PPFIA2: variants seen among roughly 807,000 people sequenced by gnomAD.
PPFIA2 encodes the protein liprin-alpha-2.
A neutral mutation model predicts 175.5 loss-of-function variants in PPFIA2; 46 were observed. That is an observed-to-expected ratio of 0.26 (90% confidence interval 0.21 to 0.34). The LOEUF is 0.34. Among genes scored for constraint, PPFIA2 ranks in the 10% least tolerant of loss-of-function variants. The pLI is 1.00. For synonymous variants in PPFIA2, 568 were observed against 511.4 expected (o/e 1.11, Z -1.49); for missense variants, 1,179 against 1,506.1 (o/e 0.78, Z 3.60).
At chr12:81,493,820 T>G (rs888342838) in intron 4 of PPFIA2, among the ~76,000 whole-genome samples, 1 of 145,224 alleles carries the variant, frequency 6.9e-6, no homozygotes, top group East Asian at 2.0e-4. Flanking sequence ...ATTTTGAACA[T>G]AGAAACATAG....
chr12:81,360,453 TG>T (rs2061437172), intron 15 of PPFIA2, among the ~76,000 whole-genome samples: 1 of 151,828 alleles, frequency 6.6e-6, no homozygotes, highest in African/African-American at 2.4e-5. Flanking sequence ...CTCTGCTTCC[TG>T]GAGTGTTCTC....
At chr12:81,340,660 C>T (rs1310644855) in intron 20 of PPFIA2, among the ~76,000 whole-genome samples, 1 of 152,072 alleles carries the variant, frequency 6.6e-6, no homozygotes, top group Non-Finnish European at 1.5e-5. Context: ...ACAGGATGCA[C>T]ATACCTGTCT....
chr12:81,333,960 A>G (rs115821697), intron 21 of PPFIA2, among the ~76,000 whole-genome samples: 83 of 152,294 alleles, frequency 5.4e-4, no homozygotes, highest in African/African-American at 1.9e-3. Flanking sequence ...TAACTGTTCC[A>G]GCACTCAGGC....
chr12:81,602,302 A>G (rs1403282956), intron 4 of PPFIA2, among the ~76,000 whole-genome samples: 1 of 151,876 alleles, frequency 6.6e-6, no homozygotes, highest in South Asian at 2.1e-4. Context: ...GTATAATACA[A>G]CTGCAGTTTT....
At chr12:81,600,715 T>A (rs1040463977) in intron 4 of PPFIA2, among the ~76,000 whole-genome samples, 2 of 152,014 alleles carry the variant, frequency 1.3e-5, no homozygotes, top group Non-Finnish European at 2.9e-5. Context: ...TGTTAGGATC[T>A]TACTTCCTCT....
At chr12:81,459,041 T>C (rs998479560) in intron 4 of PPFIA2, among the ~76,000 whole-genome samples, 5 of 152,158 alleles carry the variant, frequency 3.3e-5, no homozygotes, top group African/African-American at 7.2e-5. Context: ...GTTTATATTT[T>C]TGTTTGCTTC....
chr12:81,648,516 T>G (rs891435042), intron 4 of PPFIA2, among the ~76,000 whole-genome samples: 1 of 151,906 alleles, frequency 6.6e-6, no homozygotes, highest in African/African-American at 2.4e-5. Flanking sequence ...TGAGAGGATA[T>G]TCCATATTCA....
chr12:81,601,128 T>C (rs1310844645), intron 4 of PPFIA2, among the ~76,000 whole-genome samples: 1 of 151,824 alleles, frequency 6.6e-6, no homozygotes, highest in Non-Finnish European at 1.5e-5. Flanking sequence ...GGGGAGGAGA[T>C]GAAAATAGTA....
At chr12:81,506,150 T>C (rs1214744756) in intron 4 of PPFIA2, 2 of 152,242 alleles carry the variant, frequency 1.3e-5, no homozygotes, top group African/African-American at 2.4e-5. Context: ...AGAAGTTATC[T>C]GCAAAGTTAC....
intron 4 of PPFIA2, among the ~76,000 whole-genome samples, chr12:81,568,912 A>G (rs2153409667): frequency 6.6e-6 from 1 of 152,264 alleles, no homozygotes; most frequent in African/African-American, 2.4e-5. Context: ...ATCTTTTGTT[A>G]AATAAAGATA....
chr12:81,565,062 T>C (rs914635313), intron 4 of PPFIA2, among the ~76,000 whole-genome samples: 2 of 152,134 alleles, frequency 1.3e-5, no homozygotes, highest in East Asian at 1.9e-4. Context: ...AAGCTGGAGA[T>C]ACTGAGTTTA....
At chr12:81,307,762 C>G (rs912946673) in intron 22 of PPFIA2, among the ~76,000 whole-genome samples, 5 of 152,168 alleles carry the variant, frequency 3.3e-5, no homozygotes, top group Admixed American at 2.6e-4. Flanking sequence ...GGCCAAATAT[C>G]TTACACAAAG....
At chr12:81,448,913 A>T (rs1266766495) in intron 5 of PPFIA2, among the ~76,000 whole-genome samples, 1 of 152,224 alleles carries the variant, frequency 6.6e-6, no homozygotes, top group Non-Finnish European at 1.5e-5. Flanking sequence ...AGTTTGTCAT[A>T]TCATGATAGG....
intron 3 of PPFIA2, among the ~76,000 whole-genome samples, chr12:81,745,266 A>G (rs1485676067): frequency 6.6e-6 from 1 of 152,108 alleles, no homozygotes; most frequent in Non-Finnish European, 1.5e-5. Context: ...CTCCCCTTAC[A>G]CTTGGTTCAG....
intron 4 of PPFIA2, among the ~76,000 whole-genome samples, chr12:81,549,727 A>T (rs1315955354): frequency 1.2e-4 from 18 of 151,970 alleles, no homozygotes; most frequent in Admixed American, 1.1e-3. Context: ...CATAAACAAT[A>T]GCAATCAGAA....
At chr12:81,330,922 G>A (rs987888058) in intron 21 of PPFIA2, among the ~76,000 whole-genome samples, 3 of 152,216 alleles carry the variant, frequency 2.0e-5, no homozygotes, top group African/African-American at 7.2e-5. Flanking sequence ...AACAAATACA[G>A]TCATAATTGG....
chr12:81,461,793 T>C (rs1229727488), intron 4 of PPFIA2, among the ~76,000 whole-genome samples: 1 of 152,068 alleles, frequency 6.6e-6, no homozygotes, highest in Non-Finnish European at 1.5e-5. Context: ...CTACTGTGCC[T>C]CAAATACTCT....
chr12:81,363,901 C>A (rs760926261), intron 14 of PPFIA2, among the ~76,000 whole-genome samples: 3 of 151,824 alleles, frequency 2.0e-5, no homozygotes, highest in African/African-American at 7.2e-5. Flanking sequence ...CACAAAAGTG[C>A]GCTGAGTACC....
intron 4 of PPFIA2, among the ~76,000 whole-genome samples, chr12:81,599,523 T>C (rs148913614): frequency 6.6e-6 from 1 of 152,022 alleles, no homozygotes; most frequent in Admixed American, 6.6e-5. Context: ...AATTTCTGAT[T>C]TATAGAAAAT....
Sources: allele counts gnomAD v4.1 joint callset (sites outside exome capture counted in the v4.1 genomes callset), GRCh38; gene constraint gnomAD v4.1.1; transcripts MANE v1.5; gene names NCBI Gene and HGNC (gene_info 2026-07-23, HGNC 2026-07-21).